Variants in BMP2K observed in about 807,000 individuals in gnomAD.
BMP2K encodes the protein BMP2 inducible kinase, also known as BMP-2-inducible protein kinase.
BMP2K carries 74 observed loss-of-function variants against 116.0 expected under a neutral mutation model. The ratio of observed to expected loss-of-function variants is 0.64; its 90% CI spans 0.53 to 0.77. The LOEUF (loss-of-function observed/expected upper bound fraction) is 0.77. Among genes scored for constraint, BMP2K ranks in the 30% least tolerant of loss-of-function variants. BMP2K has a pLI of 0.00. For synonymous variants in BMP2K, 486 were observed against 502.5 expected, an observed-to-expected ratio of 0.97 and a Z score of 0.44; for missense variants, 1,365 against 1,403.6, an observed-to-expected ratio of 0.97 and a Z score of 0.44.
At chr4:78,812,721 T>C (rs898265093) in intron 1 of BMP2K, among the ~76,000 whole-genome samples, 10 of 152,266 alleles carry the variant, frequency 6.6e-5, no homozygotes, top group Middle Eastern at 3.4e-3. Flanking sequence ...GTGAGAAATA[T>C]AGCAAAGTGC....
chr4:78,857,352 A>G (rs1296557363), intron 7 of BMP2K, among the ~76,000 whole-genome samples: 1 of 152,090 alleles, frequency 6.6e-6, no homozygotes, highest in Non-Finnish European at 1.5e-5. Context: ...TGCTTATAAG[A>G]TAATATCAGT....
chr4:78,859,706 A>AGGATATGAATTTAAAATTCATTTTATC lies in BMP2K; in HGVS notation c.987+21_987+47dup, dbSNP rs1204560227. 6 of 1,472,100 alleles carry AGGATATGAATTTAAAATTCATTTTATC rather than the reference A, an allele frequency of 4.1e-6. No individual in the cohort carries two copies. The highest frequency in any genetic ancestry group is 5.7e-6 in the Non-Finnish European group (6 of 1,061,124). 91.2% of individuals were successfully genotyped at this position (1,472,100 alleles called of 1,614,324 possible). A position where few individuals can be genotyped will look rare whatever the true frequency, so the allele number is the denominator to read the frequency against. On this transcript the variant is annotated intron_variant, in intron 8 of 15. Transcript: ENST00000502613. ...CATCAATGTAAGTAGATTTTCAAGT[A>AGGATATGAATTTAAAATTCATTTTATC]GGATATGAATTTAAAATTCATTTTA... is the stretch of plus-strand genomic sequence containing the variant.
chr4:78,821,257 T>G (rs892403340), intron 1 of BMP2K, among the ~76,000 whole-genome samples: 2 of 152,230 alleles, frequency 1.3e-5, no homozygotes, highest in African/African-American at 4.8e-5. Flanking sequence ...ATGCGCTTTG[T>G]GTAAATGGGG....
At chr4:78,884,401 A>G (rs1254756853) in intron 14 of BMP2K, among the ~76,000 whole-genome samples, 2 of 152,238 alleles carry the variant, frequency 1.3e-5, no homozygotes, top group Non-Finnish European at 2.9e-5. Context: ...CTAATGAATC[A>G]AGTAGACCTA....
At chr4:78,873,955 G>A (rs28625192) in intron 13 of BMP2K, among the ~76,000 whole-genome samples, 3 of 151,822 alleles carry the variant, frequency 2.0e-5, no homozygotes, top group East Asian at 1.9e-4. Flanking sequence ...CAGGGCAGGC[G>A]GATCACGAGG....
chr4:78,787,492 G>A (rs893658643), intron 1 of BMP2K, among the ~76,000 whole-genome samples: 1 of 152,178 alleles, frequency 6.6e-6, no homozygotes, highest in Non-Finnish European at 1.5e-5. Flanking sequence ...CAGAGTGGGA[G>A]CTGGGTAGTC....
chr4:78,883,343 T>A (rs553476381), intron 14 of BMP2K, among the ~76,000 whole-genome samples: 57 of 152,308 alleles, frequency 3.7e-4, no homozygotes, highest in African/African-American at 1.3e-3. Context: ...ATTACAAAAT[T>A]AATGTGTATA....
At chr4:78,817,730 AAAGGG>A (rs1729421022) in intron 1 of BMP2K, among the ~76,000 whole-genome samples, 1 of 152,020 alleles carries the variant, frequency 6.6e-6, no homozygotes. Flanking sequence ...GGGTCGGGGG[AAAGGG>A]AAGGGAGGGG....
intron 15 of BMP2K, among the ~76,000 whole-genome samples, chr4:78,903,987 G>A (rs1460793964): frequency 4.6e-5 from 7 of 151,910 alleles, no homozygotes; most frequent in Non-Finnish European, 7.4e-5. Context: ...GCAGGTCTCA[G>A]ATTTCTTACG....
At chr4:78,875,410 T>C (rs1000935080) in intron 13 of BMP2K, among the ~76,000 whole-genome samples, 3 of 152,232 alleles carry the variant, frequency 2.0e-5, no homozygotes, top group Non-Finnish European at 4.4e-5. Context: ...AACTTTCTAC[T>C]CTTCCACCAT....
At chr4:78,845,139 T>C in intron 5 of BMP2K, 90 bp downstream of exon 5, 1 of 1,119,516 alleles carries the variant, frequency 8.9e-7, no homozygotes, top group South Asian at 1.5e-5. Flanking sequence ...ATTTTAGGTA[T>C]TTCATTTATA....
chr4:78,795,317 T>A (rs912289425), intron 1 of BMP2K, among the ~76,000 whole-genome samples: 2 of 152,192 alleles, frequency 1.3e-5, no homozygotes, highest in African/African-American at 4.8e-5. Flanking sequence ...GCTCTCTAAT[T>A]ATCTAACTGT....
At chr4:78,866,421 G>T (rs989947924) in intron 10 of BMP2K, among the ~76,000 whole-genome samples, 1 of 152,114 alleles carries the variant, frequency 6.6e-6, no homozygotes, top group Non-Finnish European at 1.5e-5. Flanking sequence ...ATGGTTAAGA[G>T]TGTACGTTTT....
chr4:78,795,659 C>G (rs1180420662), intron 1 of BMP2K, among the ~76,000 whole-genome samples: 2 of 151,998 alleles, frequency 1.3e-5, no homozygotes, highest in Non-Finnish European at 2.9e-5. Context: ...GGCTAATATC[C>G]AGAATCTACA....
At chr4:78,829,794 TCTCTTCTCTTCTCTTCTC>T (rs1201510574) in intron 2 of BMP2K, among the ~76,000 whole-genome samples, 58 of 89,346 alleles carry the variant, frequency 6.5e-4, no homozygotes, top group Admixed American at 2.4e-3. Flanking sequence ...TCTTTTCTCT[TCTCTTCTCTTCTCTTCTC>T]TTCTCTTCTC....
chr4:78,779,989 G>A (rs1469732065), intron 1 of BMP2K, among the ~76,000 whole-genome samples: 1 of 152,118 alleles, frequency 6.6e-6, no homozygotes, highest in Non-Finnish European at 1.5e-5. Flanking sequence ...ATGAGGGAGA[G>A]CGGTATGTTG....
rs557118370 is a variant in BMP2K at position 78,908,990 on chromosome 4, A to C, written c.2063-1620A>C. 3.8e-4 allele frequency among the ~76,000 whole-genome samples: 57 copies of C among 148,864 alleles called. 1 individual carries two copies. Among genetic ancestry groups the C allele is most frequent in the African/African-American group, 1.1e-3 (43 of 38,726 alleles). On this transcript the variant is annotated intron_variant, in intron 15 of 15. Coordinates refer to ENST00000502613, the MANE Select transcript of BMP2K (RefSeq NM_198892.2). Reference sequence around the variant, plus strand: ...CACTGTCATGTCATCTAGGCCACCAAAATCTCTAACTTGCATTACTATAAT... The same window carrying C: ...CACTGTCATGTCATCTAGGCCACCACAATCTCTAACTTGCATTACTATAAT...
At chr4:78,788,191 A>G (rs895094563) in intron 1 of BMP2K, among the ~76,000 whole-genome samples, 1 of 151,718 alleles carries the variant, frequency 6.6e-6, no homozygotes, top group Admixed American at 6.6e-5. Context: ...ATTTTTTTAT[A>G]CAGGCACAGA....
At chr4:78,854,259 T>TTTA (rs978344785) in intron 7 of BMP2K, among the ~76,000 whole-genome samples, 26 of 149,534 alleles carry the variant, frequency 1.7e-4, no homozygotes, top group South Asian at 1.1e-3. Context: ...TGGGGCTAAA[T>TTTA]TTATTATTAT....
Sources: allele counts gnomAD v4.1 joint callset (sites outside exome capture counted in the v4.1 genomes callset), GRCh38; gene constraint gnomAD v4.1.1; transcripts MANE v1.5; gene names NCBI Gene and HGNC (gene_info 2026-07-23, HGNC 2026-07-21).